The following STT3A variants were observed in gnomAD, a reference collection of about 807,000 sequenced individuals.
STT3A encodes the protein dolichyl-diphosphooligosaccharide--protein glycosyltransferase subunit STT3A.
Under a neutral mutation model 89.2 loss-of-function variants are expected in STT3A, and 34 were observed. The ratio of observed to expected loss-of-function variants is 0.38; its 90% CI spans 0.29 to 0.51. The LOEUF is 0.51. Ranked by LOEUF, STT3A falls within the 20% of genes least tolerant of loss-of-function variation. STT3A has a pLI of 0.89. For synonymous variants in STT3A, 282 were observed against 310.3 expected (o/e 0.91, Z 0.96); for missense variants, 555 against 889.5 (o/e 0.62, Z 4.78).
chr11:125,608,589 TTGC>T (rs1167931051), intron 9 of STT3A, among the ~76,000 whole-genome samples: 1 of 152,214 alleles, frequency 6.6e-6, no homozygotes, highest in Non-Finnish European at 1.5e-5. Context: ...GCCTCCCAAA[TTGC>T]TGGGATTACA....
chr11:125,611,768 A>T (rs562706019), intron 11 of STT3A, among the ~76,000 whole-genome samples: 1 of 151,478 alleles, frequency 6.6e-6, no homozygotes, highest in African/African-American at 2.4e-5. Flanking sequence ...TTGTTGGATA[A>T]TATGACCCTG....
intron 2 of STT3A, 122 bp from the exon 3 acceptor site, chr11:125,596,937 A>G (rs1939516607): frequency 1.9e-6 from 2 of 1,066,926 alleles, no homozygotes; most frequent in Non-Finnish European, 2.8e-6. Flanking sequence ...GACTTTATTC[A>G]GGGATTATTT....
At position 125,620,855 on chromosome 11, in the gene STT3A, T is replaced by C; in HGVS notation, c.*45T>C. ...TATGCTTCGCACTGAGCACATCACA[T>C]TTAGGACGTTGAAGATTTTTTTTTT... is the stretch of plus-strand genomic sequence containing the variant. On this transcript the variant is annotated 3_prime_UTR_variant, in exon 18 of 18. Coordinates refer to ENST00000392708, the MANE Select transcript of STT3A (RefSeq NM_152713.5). 6.6e-7 allele frequency: 1 copy of C among 1,510,236 alleles called. No homozygotes were observed. 93.6% of individuals were successfully genotyped at this position (1,510,236 alleles called of 1,614,324 possible). A position where few individuals can be genotyped will look rare whatever the true frequency, so the allele number is the denominator to read the frequency against.
intron 7 of STT3A, 103 bp from the exon 8 acceptor site, chr11:125,606,198 C>A (rs1489821289): frequency 9.1e-7 from 1 of 1,099,336 alleles, no homozygotes; most frequent in Non-Finnish European, 1.3e-6. Context: ...GTTATAGTTA[C>A]TATAAGTGTT....
rs564039937 is a variant in STT3A at position 125,592,926 on chromosome 11, G to A, written c.-36+8G>A. Reference sequence around the variant, plus strand: ...TTTAGGAAAGCCGGCCAGGTGAGAAGGCCGTAGAACGTAACTTGAAAATCA... The same window carrying A: ...TTTAGGAAAGCCGGCCAGGTGAGAAAGCCGTAGAACGTAACTTGAAAATCA... On this transcript the variant is annotated splice_region_variant and intron_variant, in intron 1 of 17. Transcript: ENST00000392708. The A allele has an allele frequency of 1.1e-5, 2 of 174,280 alleles. No homozygotes were observed. The highest frequency in any genetic ancestry group is 2.4e-5 in the African/African-American group (1 of 41,832). The allele number at this position is 174,280 out of a possible 1,614,324, so 10.8% of individuals were successfully genotyped here.
intron 3 of STT3A, among the ~76,000 whole-genome samples, chr11:125,598,425 A>G (rs1939565484): frequency 6.6e-6 from 1 of 152,198 alleles, no homozygotes. Flanking sequence ...TTGGTATCTT[A>G]AAAATAGTAT....
At chr11:125,592,277 A>G (rs1303328596), upstream of STT3A, 2 of 392,198 alleles carry the variant, frequency 5.1e-6, no homozygotes, top group Admixed American at 2.9e-5. Flanking sequence ...AGGCACAGTA[A>G]AAGCTCGAGT....
chr11:125,618,360 T>G lies in STT3A; in HGVS notation c.1775-13T>G. The G allele has an allele frequency of 6.4e-7, 1 of 1,571,858 alleles. No homozygotes were observed. Among genetic ancestry groups the G allele is most frequent in the Non-Finnish European group, 8.6e-7 (1 of 1,163,820 alleles). ...TTTGTGATGCAGCAGTTCTTTTTTTTTTTTTCTCCTAGATATCAACAAGTT... is the reference window on the plus strand; with the variant it reads ...TTTGTGATGCAGCAGTTCTTTTTTTGTTTTTCTCCTAGATATCAACAAGTT... On this transcript the variant is annotated splice_polypyrimidine_tract_variant and intron_variant, in intron 15 of 17. Coordinates refer to ENST00000392708, the MANE Select transcript of STT3A (RefSeq NM_152713.5).
chr11:125,602,477 A>T, intron 4 of STT3A, 53 bp downstream of exon 4: 1 of 1,483,234 alleles, frequency 6.7e-7, no homozygotes, highest in South Asian at 1.3e-5. Context: ...AAATATTTGT[A>T]TGCTAGAGAA....
rs769600496 is a variant in STT3A, at chr11:125,614,433, T to C, written c.1774+7T>C. The C allele has an allele frequency of 1.9e-6, 3 of 1,611,492 alleles. No individual in the cohort carries two copies. The highest frequency in any genetic ancestry group is 1.3e-5 in the African/African-American group (1 of 74,970). ...ACTGGGTATTCCTCTGATGGTAATA[T>C]ACTTGATTCTGTTTCTAGCTGCAGG... is the stretch of plus-strand genomic sequence containing the variant. On this transcript the variant is annotated splice_region_variant and intron_variant, in intron 15 of 17. Coordinates refer to ENST00000392708, the MANE Select transcript of STT3A (RefSeq NM_152713.5). The surrounding 1 kb of genome is among the most constrained non-coding windows in gnomAD (Gnocchi z 4.9).
At chr11:125,602,634 A>T (rs754335229) in intron 4 of STT3A, 169 bp from the exon 5 acceptor site, 4 of 1,088,820 alleles carry the variant, frequency 3.7e-6, no homozygotes, top group Non-Finnish European at 5.2e-6. Context: ...TAGACTTCTG[A>T]TTGAATCCTT....
intron 1 of STT3A, among the ~76,000 whole-genome samples, chr11:125,594,262 A>T (rs1015360444): frequency 6.6e-6 from 1 of 152,188 alleles, no homozygotes; most frequent in African/African-American, 2.4e-5. Context: ...TAGTCGTTAT[A>T]ACTTAGCTCT....
chr11:125,605,794 G>T, intron 7 of STT3A, 59 bp downstream of exon 7: 2 of 1,413,120 alleles, frequency 1.4e-6, no homozygotes, highest in Non-Finnish European at 2.0e-6. Context: ...ATTTCCTATG[G>T]GTACTTATTG....
rs769623450 is a variant in STT3A, at chr11:125,597,071, G to A, written c.101G>A (p.Arg34His). 3.1e-6 allele frequency: 5 copies of A among 1,613,854 alleles called. No individual in the cohort carries two copies. Among genetic ancestry groups the A allele is most frequent in the East Asian group, 2.2e-5 (1 of 44,852 alleles). The part of the protein sequence containing the change: ...SMAAVLSFST[R>H]LFAVLRFESV... Reference sequence around the variant, plus strand: ...CTGGTTTTTGCAGCCTTCTCCACTCGTCTGTTTGCTGTCCTGAGATTTGAA... The same window carrying A: ...CTGGTTTTTGCAGCCTTCTCCACTCATCTGTTTGCTGTCCTGAGATTTGAA... Residue 34 changes from arginine (R) to histidine (H), a missense_variant, in exon 3 of 18, where the codon CGT becomes CAT. Transcript: ENST00000392708.
At chr11:125,611,386 C>T (rs1435895090) in intron 10 of STT3A, 42 bp from the exon 11 acceptor site, 1 of 1,534,976 alleles carries the variant, frequency 6.5e-7, no homozygotes, top group South Asian at 1.1e-5. Flanking sequence ...AGGTTTCAAC[C>T]TACAGGACTC....
At chr11:125,609,395 AGAGT>A (rs767017778) in intron 9 of STT3A, 35 bp from the exon 10 acceptor site, 4 of 1,542,416 alleles carry the variant, frequency 2.6e-6, no homozygotes, top group South Asian at 2.5e-5. Context: ...GTTTGTTTGA[AGAGT>A]GTGTGTGGAA....
At chr11:125,604,505 C>T (rs1311181413) in intron 6 of STT3A, among the ~76,000 whole-genome samples, 6 of 152,160 alleles carry the variant, frequency 3.9e-5, no homozygotes, top group Non-Finnish European at 5.9e-5. Flanking sequence ...ACATTATAAT[C>T]ATTTGCTTTA....
intron 15 of STT3A, among the ~76,000 whole-genome samples, chr11:125,616,976 C>G (rs1285651487): frequency 2.0e-5 from 3 of 152,180 alleles, no homozygotes; most frequent in Non-Finnish European, 2.9e-5. Flanking sequence ...TCACACCCAG[C>G]CATTCCTATT....
chr11:125,596,480 G>A (rs901117830), intron 2 of STT3A, among the ~76,000 whole-genome samples: 5 of 152,124 alleles, frequency 3.3e-5, no homozygotes, highest in Admixed American at 3.3e-4. Context: ...AAAGAGGGCT[G>A]TGATCATCTT....
Sources: allele counts gnomAD v4.1 joint callset (sites outside exome capture counted in the v4.1 genomes callset), GRCh38; gene constraint gnomAD v4.1.1; non-coding constraint Gnocchi (gnomAD v3.1); transcripts MANE v1.5; gene names NCBI Gene and HGNC (gene_info 2026-07-23, HGNC 2026-07-21).